LOC400499: variants seen among roughly 807,000 people sequenced by gnomAD.
chr16:11,381,612 G>T, the LOC400499 span, among the ~76,000 whole-genome samples: 1 of 152,166 alleles, frequency 6.6e-6, no homozygotes, highest in African/African-American at 2.4e-5. Flanking sequence ...GTAAATGAAC[G>T]TCGGTGGATC....
chr16:11,513,555 C>G, the LOC400499 span, among the ~76,000 whole-genome samples: 1 of 151,988 alleles, frequency 6.6e-6, no homozygotes, highest in African/African-American at 2.4e-5. Context: ...TTCAGCCTCC[C>G]GAGTAGCTGG....
the LOC400499 span, among the ~76,000 whole-genome samples, chr16:11,404,180 C>G: frequency 2.2e-3 from 340 of 152,308 alleles, 1 homozygote; most frequent in Non-Finnish European, 4.3e-3. Context: ...CCACAAAGAC[C>G]CTGCTTGCTC....
At chr16:11,387,386 C>A in the LOC400499 span, 4 of 1,067,790 alleles carry the variant, frequency 3.7e-6, no homozygotes, top group Admixed American at 4.3e-5. Context: ...GCAGGAAGAG[C>A]TCTGCAGTGG....
the LOC400499 span, among the ~76,000 whole-genome samples, chr16:11,420,939 C>T: frequency 6.6e-6 from 1 of 152,188 alleles, no homozygotes; most frequent in Non-Finnish European, 1.5e-5. Flanking sequence ...TCATGTGCCA[C>T]CCACCCTCTG....
the LOC400499 span, among the ~76,000 whole-genome samples, chr16:11,462,879 T>A: frequency 1.3e-5 from 2 of 152,176 alleles, no homozygotes; most frequent in African/African-American, 4.8e-5. Context: ...GCGTCTAGAA[T>A]CAACCACTTC....
chr16:11,398,832 T>C, the LOC400499 span, among the ~76,000 whole-genome samples: 3 of 152,076 alleles, frequency 2.0e-5, no homozygotes, highest in East Asian at 5.8e-4. Flanking sequence ...GTTTTTTTTT[T>C]AATTCTTTAG....
At chr16:11,381,938 C>T in the LOC400499 span, among the ~76,000 whole-genome samples, 1 of 144,534 alleles carries the variant, frequency 6.9e-6, no homozygotes, top group African/African-American at 2.6e-5. Flanking sequence ...TGTCTGTTTT[C>T]ATTCTGGAAT....
chr16:11,484,161 C>A, the LOC400499 span, among the ~76,000 whole-genome samples: 1 of 151,852 alleles, frequency 6.6e-6, no homozygotes, highest in Non-Finnish European at 1.5e-5. Flanking sequence ...GCACCCACCA[C>A]CACGCCTGGC....
the LOC400499 span, among the ~76,000 whole-genome samples, chr16:11,389,709 A>AAAC: frequency 6.6e-6 from 1 of 150,446 alleles, no homozygotes; most frequent in Non-Finnish European, 1.5e-5. Context: ...AAAAAAAAAA[A>AAAC]GATTACAAAA....
chr16:11,423,262 G>C, the LOC400499 span: 2 of 399,080 alleles, frequency 5.0e-6, no homozygotes, highest in East Asian at 7.1e-5. Context: ...TTGACCTACA[G>C]AGACCAGTGG....
the LOC400499 span, among the ~76,000 whole-genome samples, chr16:11,464,687 A>G: frequency 6.6e-6 from 1 of 152,212 alleles, no homozygotes; most frequent in Non-Finnish European, 1.5e-5. Flanking sequence ...GTCTGCTGAA[A>G]CAGGCTCCAG....
At chr16:11,446,996 G>T in the LOC400499 span, 2 of 1,421,284 alleles carry the variant, frequency 1.4e-6, no homozygotes, top group Admixed American at 4.8e-5. Context: ...TCTCAGCCTG[G>T]GCCTGTCACG....
the LOC400499 span, among the ~76,000 whole-genome samples, chr16:11,386,224 C>CCATT: frequency 6.6e-6 from 1 of 152,336 alleles, no homozygotes; most frequent in African/African-American, 2.4e-5. Flanking sequence ...ACCAGTCTAG[C>CCATT]CAGTGCGGCC....
chr16:11,527,228 C>G, the LOC400499 span, among the ~76,000 whole-genome samples: 1 of 152,162 alleles, frequency 6.6e-6, no homozygotes, highest in Non-Finnish European at 1.5e-5. Flanking sequence ...AGCAGCTCAG[C>G]GTGGTCCTGA....
chr16:11,441,784 C>A, the LOC400499 span, among the ~76,000 whole-genome samples: 1 of 152,092 alleles, frequency 6.6e-6, no homozygotes, highest in Non-Finnish European at 1.5e-5. Flanking sequence ...CTTCCACAAG[C>A]TGGAAAAGGA....
chr16:11,485,277 C>T, the LOC400499 span, among the ~76,000 whole-genome samples: 3 of 152,124 alleles, frequency 2.0e-5, no homozygotes, highest in Non-Finnish European at 2.9e-5. Context: ...AGATGCCACA[C>T]GGTAAGAATT....
chr16:11,384,895 C>T, the LOC400499 span: 2 of 1,232,096 alleles, frequency 1.6e-6, no homozygotes. Context: ...CACCGTGCTG[C>T]CAGAGGCCCA....
chr16:11,480,601 T>C, the LOC400499 span, among the ~76,000 whole-genome samples: 201 of 152,228 alleles, frequency 1.3e-3, no homozygotes, highest in Non-Finnish European at 2.4e-3. Flanking sequence ...GAGCTTCTAG[T>C]AAGAAAATAC....
chr16:11,509,663 C>G, the LOC400499 span, among the ~76,000 whole-genome samples: 2 of 151,726 alleles, frequency 1.3e-5, no homozygotes, highest in African/African-American at 4.8e-5. Context: ...AAACCTGTCT[C>G]TATTAAAAAT....
Sources: gnomAD v4.1 joint callset for allele counts (sites outside exome capture counted in the v4.1 genomes callset) on GRCh38, gnomAD v4.1.1 for gene constraint, MANE v1.5 for transcripts.